TRIO: variants seen among roughly 807,000 people sequenced by gnomAD.
The protein encoded by TRIO is triple functional domain protein.
TRIO carries 58 observed loss-of-function variants against 351.9 expected under a neutral mutation model. The observed-to-expected ratio is 0.16, with a 90% CI of 0.13 to 0.21. TRIO has a LOEUF of 0.21. Ranked by LOEUF, TRIO falls within the 10% of genes least tolerant of loss-of-function variation. The probability of loss-of-function intolerance (pLI) is 1.00; values close to 1 mark genes in which losing one functional copy is unlikely to be tolerated. For synonymous variants in TRIO, 1,758 were observed against 1,595.7 expected (o/e 1.10, Z -2.42); for missense variants, 3,201 against 4,027.8 (o/e 0.79, Z 5.56).
intron 9 of TRIO, among the ~76,000 whole-genome samples, chr5:14,320,176 G>T (rs552762023): frequency 6.6e-6 from 1 of 152,146 alleles, no homozygotes; most frequent in South Asian, 2.1e-4. Flanking sequence ...CTCAGCGAAG[G>T]TTTGGTTGAA....
intron 8 of TRIO, among the ~76,000 whole-genome samples, chr5:14,307,210 T>C (rs563359453): frequency 9.1e-4 from 138 of 152,146 alleles, no homozygotes; most frequent in African/African-American, 3.1e-3. Context: ...CCACCCTCTC[T>C]CCCCACTGCC....
intron 36 of TRIO, among the ~76,000 whole-genome samples, chr5:14,463,668 G>A (rs1753999295): frequency 6.7e-6 from 1 of 149,168 alleles, no homozygotes. Flanking sequence ...GTCATTACTG[G>A]TGATGCTTTT....
At chr5:14,296,300 T>C (rs1168919527) in intron 6 of TRIO, among the ~76,000 whole-genome samples, 3 of 152,176 alleles carry the variant, frequency 2.0e-5, no homozygotes, top group Non-Finnish European at 4.4e-5. Flanking sequence ...TCGGATTTGC[T>C]GAAGGTCTGA....
chr5:14,444,080 CTT>C (rs34641629), intron 34 of TRIO, among the ~76,000 whole-genome samples: 3,529 of 145,032 alleles, frequency 0.024, 46 homozygotes, highest in Admixed American at 0.041. Flanking sequence ...CTCTTGAAGT[CTT>C]TTTTTTTTTT....
chr5:14,387,362 C>G, intron 21 of TRIO, 76 bp from the exon 22 acceptor site: 2 of 1,462,358 alleles, frequency 1.4e-6, no homozygotes, highest in Non-Finnish European at 1.9e-6. Context: ...GAGTTGGAGT[C>G]AAGTCGCCAC....
In TRIO at chr5:14,186,098, A is replaced by G. The variant is rs59539941; in HGVS notation, c.157+42216A>G. Among the ~76,000 whole-genome samples, 245 of 152,316 alleles carry G rather than the reference A, an allele frequency of 1.6e-3. 1 individual carries two copies. The highest frequency in any genetic ancestry group is 5.6e-3 in the African/African-American group (234 of 41,564). On this transcript the variant is annotated intron_variant, in intron 1 of 56. Transcript: ENST00000344204. ...TAGTATTTAGATGTTGACTAGATTC[A>G]TGGGACTATGCTGGAAAATAAATTG...
chr5:14,299,903 C>T (rs1737707609), intron 7 of TRIO, among the ~76,000 whole-genome samples: 1 of 152,056 alleles, frequency 6.6e-6, no homozygotes, highest in Admixed American at 6.6e-5. Context: ...CCGGCCCTGC[C>T]CTCTCTCTCC....
intron 1 of TRIO, among the ~76,000 whole-genome samples, chr5:14,233,964 T>G (rs535305152): frequency 5.9e-5 from 9 of 152,036 alleles, no homozygotes; most frequent in Non-Finnish European, 1.0e-4. Flanking sequence ...CTAATTAAAA[T>G]TTTTGTATGT....
intron 34 of TRIO, among the ~76,000 whole-genome samples, chr5:14,447,880 G>A (rs1377243970): frequency 1.3e-5 from 2 of 152,202 alleles, no homozygotes; most frequent in African/African-American, 4.8e-5. Context: ...GGCAGACTCA[G>A]ATGGACAGAA....
chr5:14,299,453 CA>C (rs1460678736), intron 7 of TRIO, among the ~76,000 whole-genome samples: 1 of 151,956 alleles, frequency 6.6e-6, no homozygotes, highest in African/African-American at 2.4e-5. Flanking sequence ...TGCACGTAGA[CA>C]ACTGAAATGC....
chr5:14,318,148 G>C (rs919714276), intron 9 of TRIO, among the ~76,000 whole-genome samples: 4 of 149,268 alleles, frequency 2.7e-5, no homozygotes, highest in Non-Finnish European at 5.9e-5. Flanking sequence ...AAAAAAATTA[G>C]CCTGGCATGC....
At chr5:14,473,944 G>A (rs1561532059) in intron 39 of TRIO, 50 bp from the exon 40 acceptor site, 2 of 1,558,072 alleles carry the variant, frequency 1.3e-6, no homozygotes, top group Non-Finnish European at 1.8e-6. Context: ...GCCACTAGTT[G>A]ATTCAGACAT....
Position 14,280,316 on chromosome 5 carries a change from T to A in TRIO, c.233-6T>A. On this transcript the variant is annotated splice_region_variant and splice_polypyrimidine_tract_variant and intron_variant, in intron 2 of 56. Coordinates refer to ENST00000344204, the MANE Select transcript of TRIO (RefSeq NM_007118.4). ...TCTAAGTGTATTCCTAATGTTTGTT[T>A]TTTAGGTGGGAGAGATAAACGTGGA... 1 of 1,613,488 alleles carries A rather than the reference T, an allele frequency of 6.2e-7. No individual in the cohort carries two copies. The highest frequency in any genetic ancestry group is 8.5e-7 in the Non-Finnish European group (1 of 1,179,378).
intron 7 of TRIO, among the ~76,000 whole-genome samples, chr5:14,299,237 T>C (rs1737649568): frequency 6.6e-6 from 1 of 151,934 alleles, no homozygotes; most frequent in African/African-American, 2.4e-5. Context: ...AATGAATGAG[T>C]GTAATTTATG....
chr5:14,350,265 G>A (rs910956750), intron 11 of TRIO, among the ~76,000 whole-genome samples: 10 of 152,284 alleles, frequency 6.6e-5, no homozygotes, highest in African/African-American at 2.4e-4. Flanking sequence ...TTACACTTTG[G>A]CCAACCGCAG....
chr5:14,429,927 C>G (rs917848471), intron 34 of TRIO, among the ~76,000 whole-genome samples: 2 of 152,100 alleles, frequency 1.3e-5, no homozygotes, highest in Non-Finnish European at 2.9e-5. Flanking sequence ...TAGAGACCTG[C>G]TTCATTTTTT....
intron 34 of TRIO, among the ~76,000 whole-genome samples, chr5:14,449,372 C>T (rs1003114851): frequency 2.6e-5 from 4 of 152,228 alleles, no homozygotes; most frequent in Non-Finnish European, 4.4e-5. Context: ...CTGGCATGTT[C>T]TGTTTGGTGA....
At chr5:14,412,416 C>G (rs569269709) in intron 33 of TRIO, among the ~76,000 whole-genome samples, 1 of 152,328 alleles carries the variant, frequency 6.6e-6, no homozygotes, top group East Asian at 1.9e-4. Context: ...GTAGTTAATG[C>G]CAATACATTT....
intron 34 of TRIO, among the ~76,000 whole-genome samples, chr5:14,427,146 G>T (rs1202460394): frequency 6.6e-6 from 1 of 152,094 alleles, no homozygotes; most frequent in Admixed American, 6.5e-5. Context: ...AGATGACCGT[G>T]CCTATGTGCC....
Sources: gnomAD v4.1 joint callset for allele counts (sites outside exome capture counted in the v4.1 genomes callset) on GRCh38, gnomAD v4.1.1 for gene constraint, MANE v1.5 for transcripts, NCBI Gene and HGNC (gene_info 2026-07-23, HGNC 2026-07-21) for gene names.